The following DAAM2 variants were observed in gnomAD, a reference collection of about 807,000 sequenced individuals.
DAAM2 encodes the protein dishevelled associated activator of morphogenesis 2.
In DAAM2, 39 loss-of-function variants were observed where a neutral mutation model predicts 120.7. The observed-to-expected ratio is 0.32, with a 90% confidence interval of 0.25 to 0.42. The LOEUF (loss-of-function observed/expected upper bound fraction) is 0.42, where lower values mean the gene tolerates loss of function less well. Ranked by LOEUF, DAAM2 falls within the 10% of genes least tolerant of loss-of-function variation. The probability of loss-of-function intolerance (pLI) is 1.00; values close to 1 mark genes in which losing one functional copy is unlikely to be tolerated. For missense variants in DAAM2, 1,283 were observed against 1,401.7 expected, an observed-to-expected ratio of 0.92 and a Z score of 1.35; for synonymous variants, 488 against 524.9, an observed-to-expected ratio of 0.93 and a Z score of 0.96.
At chr6:39,868,075 C>T in intron 6 of DAAM2, 1 of 534,878 alleles carries the variant, frequency 1.9e-6, no homozygotes, top group South Asian at 2.6e-5. Context: ...ATGGACTTGT[C>T]TTCCTTATTA....
intron 3 of DAAM2, chr6:39,861,451 C>G: frequency 3.1e-6 from 1 of 323,594 alleles, no homozygotes; most frequent in Non-Finnish European, 6.1e-6. Context: ...CACATCTGTC[C>G]ATGTTCTCCT....
chr6:39,851,498 A>G (rs560657848), intron 1 of DAAM2, among the ~76,000 whole-genome samples: 7 of 152,366 alleles, frequency 4.6e-5, no homozygotes, highest in Admixed American at 3.3e-4. Context: ...CTCAAGTGTT[A>G]GTATTATTCT....
At chr6:39,860,756 T>A (rs1004108700) in intron 2 of DAAM2, among the ~76,000 whole-genome samples, 172 bp from the exon 3 acceptor site, 3 of 152,168 alleles carry the variant, frequency 2.0e-5, no homozygotes, top group Admixed American at 1.3e-4. Flanking sequence ...GGGATGGGGC[T>A]GTATCTCTGA....
chr6:39,822,794 G>A (rs1306156298), intron 1 of DAAM2: 1 of 152,168 alleles, frequency 6.6e-6, no homozygotes, highest in East Asian at 1.9e-4. Context: ...CTGGCCTACT[G>A]TGTGACAGCC....
At chr6:39,797,953 A>C (rs1761749596) in intron 1 of DAAM2, among the ~76,000 whole-genome samples, 1 of 152,234 alleles carries the variant, frequency 6.6e-6, no homozygotes, top group South Asian at 2.1e-4. Flanking sequence ...ATAAAGTTTT[A>C]TTGGAACACA....
chr6:39,800,416 G>A (rs1399309849), intron 1 of DAAM2, among the ~76,000 whole-genome samples: 3 of 152,150 alleles, frequency 2.0e-5, no homozygotes, highest in African/African-American at 4.8e-5. Context: ...CTGAATATGC[G>A]GGAAACATAG....
intron 1 of DAAM2, among the ~76,000 whole-genome samples, chr6:39,808,381 T>A (rs772828941): frequency 3.3e-5 from 5 of 152,158 alleles, no homozygotes; most frequent in Admixed American, 6.5e-5. Context: ...GTCAAGTGCT[T>A]CTCATTGCTA....
At chr6:39,815,181 C>T (rs1762272122) in intron 1 of DAAM2, among the ~76,000 whole-genome samples, 1 of 152,218 alleles carries the variant, frequency 6.6e-6, no homozygotes, top group Admixed American at 6.5e-5. Flanking sequence ...GATCCTGGTG[C>T]ACACTGAAGC....
rs1766556987 is a variant in DAAM2 at position 39,902,608 on chromosome 6, T to C, written c.*571T>C. On this transcript the variant is annotated 3_prime_UTR_variant, in exon 25 of 25. Coordinates refer to ENST00000274867, the MANE Select transcript of DAAM2 (RefSeq NM_001201427.2). ...CTGGTAGGTTCCAGAGAACAGTCAA[T>C]GTTGGAAGGATGATGCAGGGACCAA... is the stretch of plus-strand genomic sequence containing the variant. 1 of 152,314 alleles carries C rather than the reference T, an allele frequency of 6.6e-6. No individual in the cohort carries two copies. Among genetic ancestry groups the C allele is most frequent in the Admixed American group, 6.5e-5 (1 of 15,290 alleles). 9.4% of individuals were successfully genotyped at this position (152,314 alleles called of 1,614,324 possible). A position where few individuals can be genotyped will look rare whatever the true frequency, so the allele number is the denominator to read the frequency against.
intron 1 of DAAM2, among the ~76,000 whole-genome samples, chr6:39,848,383 A>G (rs1389741899): frequency 6.6e-6 from 1 of 152,172 alleles, no homozygotes; most frequent in Non-Finnish European, 1.5e-5. Context: ...GAGAACTATC[A>G]TCTGCTTGTT....
intron 10 of DAAM2, 22 bp from the exon 11 acceptor site, chr6:39,875,308 T>C: frequency 6.2e-7 from 1 of 1,610,992 alleles, no homozygotes; most frequent in Non-Finnish European, 8.5e-7. Flanking sequence ...TCAGGAAAGA[T>C]ATGATACCTG....
intron 8 of DAAM2, among the ~76,000 whole-genome samples, chr6:39,870,692 G>A (rs561051711): frequency 6.6e-6 from 1 of 152,182 alleles, no homozygotes; most frequent in East Asian, 1.9e-4. Flanking sequence ...ACTTCCCCCT[G>A]GGGGGCATGT....
intron 1 of DAAM2, among the ~76,000 whole-genome samples, chr6:39,799,664 A>G (rs779558227): frequency 1.3e-5 from 2 of 152,232 alleles, no homozygotes; most frequent in Non-Finnish European, 2.9e-5. Flanking sequence ...CTATTTATCT[A>G]TATGCTCCAC....
rs748393695 is a variant in DAAM2, at chr6:39,901,954, A to G, written c.3124A>G (p.Lys1042Glu). 6.2e-7 allele frequency: 1 copy of G among 1,612,620 alleles called. No homozygotes were observed. Among genetic ancestry groups the G allele is most frequent in the Non-Finnish European group, 8.5e-7 (1 of 1,178,868 alleles). ...GGAGGTCTTCGACAAGGACTTATGC[A>G]AGCTCAAGCGCAGCCGCAAGCGATC... ...SGEVFDKDLC[K>E]LKRSRKRSGS... The change falls in exon 25 of 25, where the codon AAG becomes GAG. Residue 1042 changes from lysine (K) to glutamate (E), a missense_variant. Physicochemically the swap from Lys to Glu is moderately conservative, Grantham distance 56. Around this residue, in one of 3 missense-constraint regions of DAAM2, gnomAD observed 748 missense variants for 768.6 expected, o/e 0.97. Transcript: ENST00000274867. The surrounding 1 kb of genome is among the most constrained non-coding windows in gnomAD (Gnocchi z 4.5).
At chr6:39,877,799 A>G (rs981973238) in intron 11 of DAAM2, among the ~76,000 whole-genome samples, 2 of 152,322 alleles carry the variant, frequency 1.3e-5, no homozygotes, top group Non-Finnish European at 2.9e-5. Flanking sequence ...GGACCATGGT[A>G]GGGCCAATAT....
At chr6:39,852,046 C>T (rs1763826933) in intron 1 of DAAM2, among the ~76,000 whole-genome samples, 1 of 152,172 alleles carries the variant, frequency 6.6e-6, no homozygotes. Context: ...TGGGGACTAA[C>T]AGTCTTGAGG....
intron 3 of DAAM2, among the ~76,000 whole-genome samples, chr6:39,863,858 G>T (rs899104343): frequency 6.6e-6 from 1 of 152,034 alleles, no homozygotes; most frequent in Admixed American, 6.5e-5. Context: ...GCCTAAGGGG[G>T]TCTCCTGAGT....
intron 1 of DAAM2, among the ~76,000 whole-genome samples, chr6:39,825,112 G>A (rs116458655): frequency 0.015 from 2,256 of 152,220 alleles, 61 homozygotes; most frequent in African/African-American, 0.05. Context: ...TTGTCAGGCT[G>A]GGTGCGGTGG....
At chr6:39,804,522 C>CCG (rs34256990) in intron 1 of DAAM2, among the ~76,000 whole-genome samples, 2 of 149,346 alleles carry the variant, frequency 1.3e-5, no homozygotes, top group South Asian at 4.3e-4. Flanking sequence ...GAGATCAGTT[C>CCG]TGTGTGTGTG....
Sources: gnomAD v4.1 joint callset for allele counts (sites outside exome capture counted in the v4.1 genomes callset) on GRCh38, gnomAD v4.1.1 for gene constraint, gnomAD v4.1.1 regional missense constraint, Gnocchi (gnomAD v3.1) non-coding constraint, MANE v1.5 for transcripts, NCBI Gene and HGNC (gene_info 2026-07-23, HGNC 2026-07-21) for gene names.